Variants in CHP1 observed in about 807,000 individuals in gnomAD.
CHP1 encodes calcineurin like EF-hand protein 1.
In CHP1, 11 loss-of-function variants were observed where a neutral mutation model predicts 27.4. The observed-to-expected ratio is 0.40, with a 90% CI of 0.25 to 0.67. The LOEUF (loss-of-function observed/expected upper bound fraction) is 0.67, where lower values mean the gene tolerates loss of function less well. CHP1 is among the 30% of genes least tolerant of loss of function. The pLI is 0.38. For synonymous variants in CHP1, 89 were observed against 87.4 expected (o/e 1.02, Z -0.10); for missense variants, 169 against 251.3 (o/e 0.67, Z 2.22).
At chr15:41,234,035 A>G (rs1240433749) in intron 1 of CHP1, 4 of 152,108 alleles carry the variant, frequency 2.6e-5, no homozygotes, top group Non-Finnish European at 2.9e-5. Context: ...TGCAAGCCTT[A>G]AACTCCTGGG....
chr15:41,278,988 G>C (rs11635565), intron 6 of CHP1, 99 bp downstream of exon 6: 11 of 1,441,918 alleles, frequency 7.6e-6, no homozygotes, highest in Non-Finnish European at 1.0e-5. Context: ...CAAGGTGGGC[G>C]GATCACGAGG....
chr15:41,243,341 A>G (rs1324546252), intron 1 of CHP1, among the ~76,000 whole-genome samples: 1 of 152,248 alleles, frequency 6.6e-6, no homozygotes, highest in African/African-American at 2.4e-5. Flanking sequence ...ACTTTGTCTC[A>G]GTAAAATAGG....
chr15:41,273,304 A>G (rs1281848851), intron 5 of CHP1, among the ~76,000 whole-genome samples: 1 of 152,218 alleles, frequency 6.6e-6, no homozygotes, highest in Non-Finnish European at 1.5e-5. Flanking sequence ...CACTTTAAAG[A>G]AGAAAAACTG....
At position 41,256,931 on chromosome 15, in the gene CHP1, T is replaced by A; in HGVS notation, c.162T>A (p.Ile54=). 6.2e-7 allele frequency: 1 copy of A among 1,614,148 alleles called. No homozygotes were observed. Among genetic ancestry groups the A allele is most frequent in the South Asian group, 1.1e-5 (1 of 91,086 alleles). Residue 54 remains isoleucine, a synonymous_variant, in exon 3 of 7, where the codon ATT becomes ATA. Transcript: ENST00000334660. ...GCAGCCGGGAAGATTTCCAGAGGAT[T>A]CCAGAACTTGCCATCAACCCACTGG... The part of the protein sequence containing the change: ...GTLSREDFQR[I]PELAINPLGD...
At chr15:41,252,622 G>A (rs941538017) in intron 2 of CHP1, among the ~76,000 whole-genome samples, 1 of 152,174 alleles carries the variant, frequency 6.6e-6, no homozygotes, top group East Asian at 1.9e-4. Flanking sequence ...TGTAAGAGAA[G>A]GGACTTGCAC....
chr15:41,249,406 A>G (rs1466266459), intron 2 of CHP1, among the ~76,000 whole-genome samples: 1 of 149,004 alleles, frequency 6.7e-6, no homozygotes, highest in Non-Finnish European at 1.5e-5. Context: ...TGCCTGCCTC[A>G]GTCTCCCAAA....
Position 41,281,414 on chromosome 15 carries a change from C to A in CHP1, c.*2025C>A, listed in dbSNP as rs9568. The A allele has an allele frequency of 0.25, 37,589 of 152,540 alleles. 4,846 individuals carry two copies. Among genetic ancestry groups the A allele is most frequent in the African/African-American group, 0.27 (11,159 of 41,486 alleles). The allele number at this position is 152,540 out of a possible 1,614,324, so 9.4% of individuals were successfully genotyped here. A position where few individuals can be genotyped will look rare whatever the true frequency, so the allele number is the denominator to read the frequency against. On this transcript the variant is annotated 3_prime_UTR_variant, in exon 7 of 7. Transcript: ENST00000334660. ...TGCCAAGTCAGCTTAGTTTAGACTTCAGTGAATCAGGCTATTGCTATCCTA... is the reference window on the plus strand; with the variant it reads ...TGCCAAGTCAGCTTAGTTTAGACTTAAGTGAATCAGGCTATTGCTATCCTA...
chr15:41,256,736 A>G (rs1458599876), intron 2 of CHP1, 174 bp from the exon 3 acceptor site: 24 of 610,390 alleles, frequency 3.9e-5, no homozygotes, highest in Non-Finnish European at 6.2e-5. Flanking sequence ...TGGTGCAAGA[A>G]ACACTTGGCA....
At chr15:41,251,804 CTTTT>C (rs568323569) in intron 2 of CHP1, among the ~76,000 whole-genome samples, 1 of 134,066 alleles carries the variant, frequency 7.5e-6, no homozygotes, top group African/African-American at 2.7e-5. Context: ...TGCCAGCTGC[CTTTT>C]TTTTTTTTTT....
chr15:41,278,961 C>T lies in CHP1; in HGVS notation c.534+72C>T, dbSNP rs1044391888. Reference sequence around the variant, plus strand: ...GGCGCGGTGGCTTACGCCTGTAATCCCAGCACTTTAGGAGGCCAAGGTGGG... The same window carrying T: ...GGCGCGGTGGCTTACGCCTGTAATCTCAGCACTTTAGGAGGCCAAGGTGGG... On this transcript the variant is annotated intron_variant, in intron 6 of 6. Coordinates refer to ENST00000334660, the MANE Select transcript of CHP1 (RefSeq NM_007236.5). The T allele has an allele frequency of 8.8e-6, 14 of 1,591,374 alleles. No individual in the cohort carries two copies. In the African/African-American group the frequency reaches 1.9e-4, roughly 21 times the overall value.
chr15:41,260,308 G>T (rs1431236342), intron 3 of CHP1, among the ~76,000 whole-genome samples: 1 of 151,548 alleles, frequency 6.6e-6, no homozygotes, highest in East Asian at 1.9e-4. Context: ...TTCTTACAGG[G>T]TTATTGATTA....
At chr15:41,259,278 A>C (rs2047419037) in intron 3 of CHP1, among the ~76,000 whole-genome samples, 1 of 152,126 alleles carries the variant, frequency 6.6e-6, no homozygotes, top group South Asian at 2.1e-4. Flanking sequence ...TTACTTGAAG[A>C]AGCAGCTTGT....
At chr15:41,272,350 A>T (rs930300911) in intron 5 of CHP1, 1 of 152,076 alleles carries the variant, frequency 6.6e-6, no homozygotes, top group Non-Finnish European at 1.5e-5. Context: ...TTATACTTCA[A>T]TAAAGATAGT....
chr15:41,240,773 AG>A (rs2140923760), intron 1 of CHP1, among the ~76,000 whole-genome samples: 2 of 150,892 alleles, frequency 1.3e-5, no homozygotes, highest in South Asian at 2.1e-4. Context: ...AAAAAAAAAA[AG>A]ATCTATGAAG....
chr15:41,264,332 A>T (rs2047449883), intron 4 of CHP1: 1 of 530,770 alleles, frequency 1.9e-6, no homozygotes, highest in Non-Finnish European at 2.8e-6. Flanking sequence ...TGATGCTGTG[A>T]TTGGGGTTCT....
chr15:41,259,684 C>T (rs534357309), intron 3 of CHP1, among the ~76,000 whole-genome samples: 5 of 152,314 alleles, frequency 3.3e-5, no homozygotes, highest in African/African-American at 1.2e-4. Flanking sequence ...TCAGATCTGA[C>T]ATTTTTGACC....
chr15:41,265,363 C>CAAAAAAAAAAAA (rs544658200), intron 4 of CHP1, among the ~76,000 whole-genome samples: 3 of 36,880 alleles, frequency 8.1e-5, no homozygotes, highest in African/African-American at 2.8e-4. Context: ...GACTCTGTCT[C>CAAAAAAAAAAAA]AAAAAAAAAA....
chr15:41,258,453 G>A (rs1055743371), intron 3 of CHP1, among the ~76,000 whole-genome samples: 7 of 151,698 alleles, frequency 4.6e-5, no homozygotes, highest in East Asian at 3.8e-4. Context: ...GCACTTCCCC[G>A]CCTCCAGTAC....
At chr15:41,236,739 T>G (rs2047278864) in intron 1 of CHP1, among the ~76,000 whole-genome samples, 2 of 152,322 alleles carry the variant, frequency 1.3e-5, no homozygotes, top group South Asian at 4.1e-4. Context: ...CCTTCATACT[T>G]CTGCATGTAT....
Sources: gnomAD v4.1 joint callset for allele counts (sites outside exome capture counted in the v4.1 genomes callset) on GRCh38, gnomAD v4.1.1 for gene constraint, MANE v1.5 for transcripts, NCBI Gene and HGNC (gene_info 2026-07-23, HGNC 2026-07-21) for gene names.